Variants in GLDC observed in about 807,000 individuals in gnomAD.
GLDC encodes the protein glycine dehydrogenase (decarboxylating), mitochondrial.
In GLDC, 104 loss-of-function variants were observed where a neutral mutation model predicts 121.3. The observed-to-expected ratio is 0.86, with a 90% CI of 0.73 to 1.01. The LOEUF is 1.01. Ranked by LOEUF, GLDC falls within the 50% of genes least tolerant of loss-of-function variation. The probability of loss-of-function intolerance (pLI) is 0.00; values close to 1 mark genes in which losing one functional copy is unlikely to be tolerated. For synonymous variants in GLDC, 546 were observed against 480.6 expected (o/e 1.14, Z -1.78); for missense variants, 1,429 against 1,306.6 (o/e 1.09, Z -1.44).
intron 2 of GLDC, among the ~76,000 whole-genome samples, chr9:6,624,885 G>C (rs1819199045): frequency 6.6e-6 from 1 of 152,098 alleles, no homozygotes; most frequent in African/African-American, 2.4e-5. Context: ...CTACTTGGGA[G>C]GCTGACACAG....
intron 21 of GLDC, among the ~76,000 whole-genome samples, chr9:6,546,174 A>T (rs1350550498): frequency 6.6e-6 from 1 of 151,858 alleles, no homozygotes; most frequent in Non-Finnish European, 1.5e-5. Context: ...CAGGATGCTC[A>T]ATATCATTGT....
At chr9:6,605,479 G>C (rs1364109729) in intron 5 of GLDC, 1 of 632,938 alleles carries the variant, frequency 1.6e-6, no homozygotes, top group South Asian at 1.7e-5. Flanking sequence ...CTCTGCTTCT[G>C]TTCCTCTCTT....
rs767519430 is a variant in GLDC, at chr9:6,592,159, C to T, written c.1466G>A (p.Gly489Asp). The change falls in exon 11 of 25, where the codon GGT becomes GAT. Residue 489 changes from glycine to aspartate, a missense_variant. Gly to Asp is a moderately conservative substitution (Grantham distance 94, BLOSUM62 -1). Transcript: ENST00000321612. The part of the protein sequence containing the change: ...KDLDDLLWIF[G>D]CESSAELVAE... Reference sequence around the variant, plus strand: ...TTTACTTACTGCAGATGACTCACAACCAAAGATCCACAACAAATCGTCCAG... The same window carrying T: ...TTTACTTACTGCAGATGACTCACAATCAAAGATCCACAACAAATCGTCCAG... 4 of 1,600,562 alleles carry T rather than the reference C, an allele frequency of 2.5e-6. No individual in the cohort carries two copies. In the South Asian group the frequency reaches 3.3e-5, roughly 13 times the overall value.
chr9:6,609,136 G>C (rs896161549), intron 4 of GLDC, among the ~76,000 whole-genome samples: 15 of 152,148 alleles, frequency 9.9e-5, no homozygotes, highest in Admixed American at 3.9e-4. Flanking sequence ...ATCTACATGA[G>C]AATTCCACCA....
At chr9:6,534,135 A>T (rs1453533228) in intron 24 of GLDC, 1 of 152,616 alleles carries the variant, frequency 6.6e-6, no homozygotes, top group African/African-American at 2.5e-5. Flanking sequence ...TGAACCCAGG[A>T]TCATGCCACT....
rs201502794 is a variant in GLDC, at chr9:6,544,706, TAACA to T, written c.2570-4564_2570-4561del. ...AAACATAAAGAAAACGTTGGGATAC[TAACA>T]AAGTCATCTCCTCCTACTAATGGGA... On this transcript the variant is annotated intron_variant, in intron 21 of 24. Coordinates refer to ENST00000321612, the MANE Select transcript of GLDC (RefSeq NM_000170.3). 4.3e-3 allele frequency among the ~76,000 whole-genome samples: 623 copies of T among 144,608 alleles called. 3 individuals are homozygous for T. Among genetic ancestry groups the T allele is most frequent in the Non-Finnish European group, 5.2e-3 (349 of 67,282 alleles). 94.9% of individuals were successfully genotyped at this position (144,608 alleles called of 152,430 possible).
At chr9:6,534,924 A>G (rs1817090238) in intron 23 of GLDC, 136 bp from the exon 24 acceptor site, 7 of 683,436 alleles carry the variant, frequency 1.0e-5, no homozygotes, top group Non-Finnish European at 1.9e-5. Context: ...TTAGGGGGGT[A>G]CAATGTGATT....
At chr9:6,606,566 T>C (rs756133058) in intron 5 of GLDC, 26 bp downstream of exon 5, 2 of 1,367,520 alleles carry the variant, frequency 1.5e-6, no homozygotes, top group Non-Finnish European at 1.0e-6. Flanking sequence ...TTATACTGAG[T>C]TTAAAACACG....
Position 6,644,862 on chromosome 9 carries a change from A to C in GLDC, c.256-170T>G, listed in dbSNP as rs1489467493. 2.6e-5 allele frequency: 17 copies of C among 660,058 alleles called. No homozygotes were observed. In the East Asian group the frequency reaches 4.3e-4, roughly 17 times the overall value. The allele number at this position is 660,058 out of a possible 1,614,324, so 40.9% of individuals were successfully genotyped here. A position where few individuals can be genotyped will look rare whatever the true frequency, so the allele number is the denominator to read the frequency against. On this transcript the variant is annotated intron_variant, in intron 1 of 24. Transcript: ENST00000321612. Reference sequence around the variant, plus strand: ...GCCAGAATGATTTGGAGGAAAGAAAATCGTGAAGTGGGGTGGAGATTCCGC... The same window carrying C: ...GCCAGAATGATTTGGAGGAAAGAAACTCGTGAAGTGGGGTGGAGATTCCGC...
chr9:6,624,284 C>A (rs1475864593), intron 2 of GLDC, among the ~76,000 whole-genome samples: 1 of 152,158 alleles, frequency 6.6e-6, no homozygotes, highest in Non-Finnish European at 1.5e-5. Context: ...AAAATAGGGT[C>A]TCCACTGATG....
At position 6,565,392 on chromosome 9, in the gene GLDC, G is replaced by A. The variant is rs751025203; in HGVS notation, c.1888C>T (p.Arg630Ter). 7 of 1,613,738 alleles carry A rather than the reference G, an allele frequency of 4.3e-6. No homozygotes were observed. The highest frequency in any genetic ancestry group is 2.7e-5 in the African/African-American group (2 of 74,914). Residue 630 changes from arginine (R) to a stop codon, truncating the protein, a stop_gained, in exon 16 of 25, where the codon CGA becomes TGA. Transcript: ENST00000321612. LOFTEE classifies it high-confidence loss of function. ...TCTCCTTTCTGGTTTAAGTAGGCTCGGATAGTGGCCAGTCCAGCATATTCT... is the reference window on the plus strand; with the variant it reads ...TCTCCTTTCTGGTTTAAGTAGGCTCAGATAGTGGCCAGTCCAGCATATTCT... ...QGEYAGLATI[R>*]AYLNQKGEGH...
At chr9:6,623,177 G>A (rs1819152855) in intron 2 of GLDC, 1 of 176,906 alleles carries the variant, frequency 5.7e-6, no homozygotes, top group African/African-American at 2.8e-5. Flanking sequence ...ATAGAAAAGG[G>A]GGAAAGGTGG....
intron 15 of GLDC, among the ~76,000 whole-genome samples, chr9:6,578,911 T>A (rs796721912): frequency 2.0e-5 from 3 of 152,360 alleles, no homozygotes; most frequent in African/African-American, 7.2e-5. Context: ...AATTTCCACA[T>A]ATTTGTGAAT....
At chr9:6,622,808 C>G (rs1477407363) in intron 2 of GLDC, 1 of 228,786 alleles carries the variant, frequency 4.4e-6, no homozygotes, top group African/African-American at 2.4e-5. Context: ...AGCGCCTCTT[C>G]CGGGCCGCCA....
chr9:6,557,445 G>A (rs1412714094), intron 17 of GLDC, among the ~76,000 whole-genome samples: 1 of 151,966 alleles, frequency 6.6e-6, no homozygotes, highest in Non-Finnish European at 1.5e-5. Flanking sequence ...AATACAAAAA[G>A]TAGCTGGGCA....
In GLDC at chr9:6,592,195, T is replaced by C. The variant is rs372136194; in HGVS notation, c.1430A>G (p.Asn477Ser). 1.4e-5 allele frequency: 22 copies of C among 1,607,254 alleles called. 1 individual carries two copies. The highest frequency in any genetic ancestry group is 5.0e-5 in the Admixed American group (3 of 60,006). Residue 477 changes from asparagine (N) to serine (S), a missense_variant, in exon 11 of 25, where the codon AAT becomes AGT. By Grantham distance (46) the Asn-to-Ser change is conservative (BLOSUM62 1). Transcript: ENST00000321612. The stretch of plus-strand genomic sequence containing the variant: ...CAACAAATCGTCCAGATCTTTTTCA[T>C]TGACTGTTTCATCAAGAGAAATACC... ...TLGISLDETV[N>S]EKDLDDLLWI...
intron 3 of GLDC, among the ~76,000 whole-genome samples, chr9:6,617,953 A>G (rs1214436042): frequency 6.6e-6 from 1 of 152,236 alleles, no homozygotes; most frequent in East Asian, 1.9e-4. Flanking sequence ...ATGTTAATCT[A>G]AAAGCCAATC....
At chr9:6,566,650 T>C (rs900275071) in intron 15 of GLDC, 1 of 152,142 alleles carries the variant, frequency 6.6e-6, no homozygotes, top group Non-Finnish European at 1.5e-5. Context: ...TAGACTGTTA[T>C]TTCATGTTCC....
intron 17 of GLDC, 101 bp downstream of exon 17, chr9:6,558,458 T>C (rs968623294): frequency 7.4e-7 from 1 of 1,355,854 alleles, no homozygotes; most frequent in African/African-American, 1.4e-5. Context: ...GACTTTTCAT[T>C]AGAATGCAAG....
Sources: gnomAD v4.1 joint callset for allele counts (sites outside exome capture counted in the v4.1 genomes callset) on GRCh38, gnomAD v4.1.1 for gene constraint, MANE v1.5 for transcripts, NCBI Gene and HGNC (gene_info 2026-07-23, HGNC 2026-07-21) for gene names.